The following DDX10 variants were observed in gnomAD, a reference collection of about 807,000 sequenced individuals.
DDX10 encodes the protein DEAD-box helicase 10, also known as probable ATP-dependent RNA helicase DDX10.
A neutral mutation model predicts 104.3 loss-of-function variants in DDX10; 74 were observed. The ratio of observed to expected loss-of-function variants is 0.71; its 90% CI spans 0.59 to 0.86. DDX10 has a LOEUF of 0.86. Among genes scored for constraint, DDX10 ranks in the 40% least tolerant of loss-of-function variants. The pLI, the probability that DDX10 is intolerant of heterozygous loss-of-function variation, is 0.00. For missense variants in DDX10, 952 were observed against 1,040.0 expected (o/e 0.92, Z 1.16); for synonymous variants, 351 against 353.4 (o/e 0.99, Z 0.08).
chr11:108,723,426 G>A lies in DDX10; in HGVS notation c.1929G>A (p.Val643=), dbSNP rs753360475. 7 of 1,613,170 alleles carry A rather than the reference G, an allele frequency of 4.3e-6. No individual in the cohort carries two copies. Among genetic ancestry groups the A allele is most frequent in the African/African-American group, 1.3e-5 (1 of 74,888 alleles). Residue 643 remains valine, a synonymous_variant, in exon 13 of 18, where the codon GTG becomes GTA. Coordinates refer to ENST00000322536, the MANE Select transcript of DDX10 (RefSeq NM_004398.4). ...ADFLKVKRHN[V]FGLDLKDEKT... ...TCTTGAAGGTGAAGCGGCATAATGTGTTTGGATTGGACCTTAAAGACGAGA... is the reference window on the plus strand; with the variant it reads ...TCTTGAAGGTGAAGCGGCATAATGTATTTGGATTGGACCTTAAAGACGAGA...
chr11:108,671,278 C>T (rs1217044800), intron 1 of DDX10, among the ~76,000 whole-genome samples: 1 of 152,238 alleles, frequency 6.6e-6, no homozygotes, highest in African/African-American at 2.4e-5. Flanking sequence ...ATTCTCCTGC[C>T]TCAGCCTCCC....
chr11:108,853,282 T>C (rs1365422071), intron 16 of DDX10, among the ~76,000 whole-genome samples: 1 of 152,164 alleles, frequency 6.6e-6, no homozygotes, highest in African/African-American at 2.4e-5. Context: ...GTGGGAAAGA[T>C]TTAAATTTAA....
intron 13 of DDX10, among the ~76,000 whole-genome samples, chr11:108,742,603 T>G (rs929569608): frequency 2.0e-5 from 3 of 152,030 alleles, no homozygotes; most frequent in Admixed American, 2.0e-4. Flanking sequence ...AAAAGATCAA[T>G]AAATCCAGGG....
intron 13 of DDX10, among the ~76,000 whole-genome samples, chr11:108,817,668 G>A (rs939369729): frequency 6.6e-6 from 1 of 152,108 alleles, no homozygotes; most frequent in Non-Finnish European, 1.5e-5. Context: ...ATAAATGACC[G>A]AGCTTCTTTA....
chr11:108,913,727 G>C (rs960645766), intron 16 of DDX10, among the ~76,000 whole-genome samples: 1 of 152,134 alleles, frequency 6.6e-6, no homozygotes, highest in Non-Finnish European at 1.5e-5. Flanking sequence ...GATAGAGACA[G>C]AGCAGCTAAG....
At chr11:108,755,447 T>A (rs1032663194) in intron 13 of DDX10, among the ~76,000 whole-genome samples, 1 of 152,070 alleles carries the variant, frequency 6.6e-6, no homozygotes, top group African/African-American at 2.4e-5. Flanking sequence ...AAATAAAGTT[T>A]TATTGGAACA....
intron 13 of DDX10, among the ~76,000 whole-genome samples, chr11:108,731,251 A>G (rs949786871): frequency 6.6e-6 from 1 of 151,908 alleles, no homozygotes; most frequent in South Asian, 2.1e-4. Context: ...GGGTTTCACC[A>G]TGTTGGCCAG....
intron 16 of DDX10, among the ~76,000 whole-genome samples, chr11:108,864,215 C>T (rs1253653034): frequency 1.3e-5 from 2 of 152,084 alleles, no homozygotes; most frequent in Non-Finnish European, 2.9e-5. Flanking sequence ...TAGGATTTAA[C>T]CAGTGGTTCA....
At chr11:108,761,518 T>A (rs1033122308) in intron 13 of DDX10, among the ~76,000 whole-genome samples, 7 of 152,244 alleles carry the variant, frequency 4.6e-5, no homozygotes, top group African/African-American at 1.7e-4. Context: ...TACTTCTGGC[T>A]TGGTGAGACA....
chr11:108,802,785 G>T (rs2134559586), intron 13 of DDX10, among the ~76,000 whole-genome samples: 1 of 152,236 alleles, frequency 6.6e-6, no homozygotes, highest in East Asian at 1.9e-4. Context: ...TTTTGAATGA[G>T]AATGTCCTAA....
intron 13 of DDX10, among the ~76,000 whole-genome samples, chr11:108,737,075 G>A (rs1173856204): frequency 2.0e-5 from 3 of 152,116 alleles, no homozygotes; most frequent in Non-Finnish European, 4.4e-5. Flanking sequence ...CTTAATGCTT[G>A]TTTGTAGCAT....
At position 108,940,682 on chromosome 11, in the gene DDX10, C is replaced by G. The variant is rs918343815; in HGVS notation, c.*259C>G. 3.0e-6 allele frequency: 1 copy of G among 329,084 alleles called. No homozygotes were observed. Among genetic ancestry groups the G allele is most frequent in the Non-Finnish European group, 5.6e-6 (1 of 179,060 alleles). The allele number at this position is 329,084 out of a possible 1,614,324, so 20.4% of individuals were successfully genotyped here. On this transcript the variant is annotated 3_prime_UTR_variant, in exon 18 of 18. Coordinates refer to ENST00000322536, the MANE Select transcript of DDX10 (RefSeq NM_004398.4). ...GCATGTGTTCTGTTAGATTTTTATC[C>G]ATGGGTTCCTACGCCTTGTCATTGG...
At chr11:108,869,542 G>T (rs1382080473) in intron 16 of DDX10, among the ~76,000 whole-genome samples, 1 of 151,836 alleles carries the variant, frequency 6.6e-6, no homozygotes, top group African/African-American at 2.4e-5. Flanking sequence ...TTTTATTTTG[G>T]GGGAATTTCT....
At chr11:108,866,214 A>G (rs552511484) in intron 16 of DDX10, among the ~76,000 whole-genome samples, 1 of 152,306 alleles carries the variant, frequency 6.6e-6, no homozygotes, top group South Asian at 2.1e-4. Flanking sequence ...GCAACAGTTA[A>G]GGAACAGGCA....
At chr11:108,875,879 G>T (rs748084071) in intron 16 of DDX10, among the ~76,000 whole-genome samples, 4 of 152,120 alleles carry the variant, frequency 2.6e-5, no homozygotes, top group African/African-American at 9.7e-5. Context: ...GTATCTGTGG[G>T]TTTCACTGTT....
At position 108,665,123 on chromosome 11, in the gene DDX10, G is replaced by C; in HGVS notation, c.-31G>C. ...TGGCCTTAGGTGTCTCGTGTCTGGG[G>C]TTGATCCGAGCTGTCGCCGCCGCCG... On this transcript the variant is annotated 5_prime_UTR_variant, in exon 1 of 18. Coordinates refer to ENST00000322536, the MANE Select transcript of DDX10 (RefSeq NM_004398.4). The C allele has an allele frequency of 6.3e-7, 1 of 1,588,670 alleles. No individual in the cohort carries two copies. The highest frequency in any genetic ancestry group is 8.6e-7 in the Non-Finnish European group (1 of 1,168,826).
intron 16 of DDX10, among the ~76,000 whole-genome samples, chr11:108,875,204 TG>T (rs1324808287): frequency 6.6e-6 from 1 of 152,198 alleles, no homozygotes; most frequent in East Asian, 1.9e-4. Context: ...GAAAAGAGAC[TG>T]GCTGCGTTTA....
intron 10 of DDX10, among the ~76,000 whole-genome samples, chr11:108,707,527 TGTTA>T (rs565132301): frequency 3.3e-4 from 51 of 152,296 alleles, no homozygotes; most frequent in African/African-American, 1.1e-3. Flanking sequence ...GAGATTTTTT[TGTTA>T]GTTTTGTTTT....
Position 108,818,073 on chromosome 11 carries a change from A to G in DDX10, c.1966-20373A>G, listed in dbSNP as rs562794398. Among the ~76,000 whole-genome samples the G allele has an allele frequency of 2.0e-5, 3 of 152,314 alleles. No individual in the cohort carries two copies. In the South Asian group the frequency reaches 6.2e-4, roughly 32 times the overall value. ...AACAACGCCACGATATAGCTCAAGGAAAGCAACTCTGTGGAAACTGATTAG... is the reference window on the plus strand; with the variant it reads ...AACAACGCCACGATATAGCTCAAGGGAAGCAACTCTGTGGAAACTGATTAG... On this transcript the variant is annotated intron_variant, in intron 13 of 17. Coordinates refer to ENST00000322536, the MANE Select transcript of DDX10 (RefSeq NM_004398.4).
Sources: gnomAD v4.1 joint callset for allele counts (sites outside exome capture counted in the v4.1 genomes callset) on GRCh38, gnomAD v4.1.1 for gene constraint, MANE v1.5 for transcripts, NCBI Gene and HGNC (gene_info 2026-07-23, HGNC 2026-07-21) for gene names.